Variants in CHD6 observed in about 807,000 individuals in gnomAD.
CHD6 encodes the protein ATP-dependent chromatin remodeler CHD6.
In CHD6, 50 loss-of-function variants were observed where a neutral mutation model predicts 276.9. That is an observed-to-expected ratio of 0.18 (90% CI 0.14 to 0.23). The LOEUF (loss-of-function observed/expected upper bound fraction) is 0.23. Ranked by LOEUF, CHD6 falls within the 10% of genes least tolerant of loss-of-function variation. The probability of loss-of-function intolerance (pLI) is 1.00; values close to 1 mark genes in which losing one functional copy is unlikely to be tolerated. For synonymous variants in CHD6, 1,173 were observed against 1,229.3 expected (o/e 0.95, Z 0.96); for missense variants, 2,564 against 3,365.8 (o/e 0.76, Z 5.89).
intron 1 of CHD6, among the ~76,000 whole-genome samples, chr20:41,601,328 C>T (rs188270711): frequency 2.5e-4 from 38 of 152,292 alleles, no homozygotes; most frequent in Admixed American, 4.6e-4. Flanking sequence ...ACTTGAAACA[C>T]GACTACTACT....
chr20:41,493,425 A>C, intron 10 of CHD6, 113 bp downstream of exon 10: 1 of 1,072,270 alleles, frequency 9.3e-7, no homozygotes, highest in Non-Finnish European at 1.4e-6. Flanking sequence ...GAAGTAACAA[A>C]GGTAAAATAC....
Position 41,484,404 on chromosome 20 carries a change from G to T in CHD6, c.2205C>A (p.Ile735=), listed in dbSNP as rs758937412. ...ACTTCCTCAGCTCCATCATGGTGTTGATGAGATTGGGCATGTTGTGCTGAT... is the reference window on the plus strand; with the variant it reads ...ACTTCCTCAGCTCCATCATGGTGTTTATGAGATTGGGCATGTTGTGCTGAT... ...GANQHNMPNL[I]NTMMELRKCC... is the part of the protein sequence containing the mutation. The change falls in exon 15 of 37, where the codon ATC becomes ATA. Residue 735 remains isoleucine, a synonymous_variant. Transcript: ENST00000373233. The T allele has an allele frequency of 5.0e-6, 8 of 1,613,852 alleles. No individual in the cohort carries two copies. The highest frequency in any genetic ancestry group is 6.8e-6 in the Non-Finnish European group (8 of 1,179,822).
At chr20:41,590,289 A>G (rs1359810654) in intron 1 of CHD6, among the ~76,000 whole-genome samples, 1 of 152,260 alleles carries the variant, frequency 6.6e-6, no homozygotes, top group African/African-American at 2.4e-5. Context: ...AATACCATGC[A>G]GGACACAGGC....
intron 3 of CHD6, among the ~76,000 whole-genome samples, chr20:41,531,224 C>G (rs556657644): frequency 6.6e-6 from 1 of 152,116 alleles, no homozygotes; most frequent in Non-Finnish European, 1.5e-5. Flanking sequence ...GGCTCAGACA[C>G]CTATGGCTTT....
chr20:41,435,603 C>CA lies in CHD6; in HGVS notation c.4068+1670dup, dbSNP rs34895530. 4.7e-3 allele frequency among the ~76,000 whole-genome samples: 518 copies of CA among 110,102 alleles called. 3 individuals are homozygous for CA. Among genetic ancestry groups the CA allele is most frequent in the South Asian group, 0.011 (37 of 3,286 alleles). The allele number at this position is 110,102 out of a possible 152,430, so 72.2% of individuals were successfully genotyped here. Reference sequence around the variant, plus strand: ...TAGGTGAAAGAGTGAGACCCTGAGTCAAAAAAAAAAAAAAAAAAAGTAAAT... The same window carrying CA: ...TAGGTGAAAGAGTGAGACCCTGAGTCAAAAAAAAAAAAAAAAAAAAGTAAAT... On this transcript the variant is annotated intron_variant, in intron 27 of 36. Coordinates refer to ENST00000373233, the MANE Select transcript of CHD6 (RefSeq NM_032221.5).
chr20:41,466,158 C>T (rs1404589318), intron 17 of CHD6, among the ~76,000 whole-genome samples: 7 of 152,056 alleles, frequency 4.6e-5, no homozygotes, highest in African/African-American at 1.2e-4. Flanking sequence ...GCCGAGGTTG[C>T]GTCACTGCAC....
chr20:41,603,358 A>T (rs1413235336), intron 1 of CHD6, among the ~76,000 whole-genome samples: 2 of 152,076 alleles, frequency 1.3e-5, no homozygotes, highest in African/African-American at 4.8e-5. Flanking sequence ...GAAAAGAAAA[A>T]AACCTTTGAA....
chr20:41,484,267 T>C, intron 15 of CHD6, 85 bp downstream of exon 15: 3 of 1,490,254 alleles, frequency 2.0e-6, no homozygotes, highest in Non-Finnish European at 2.8e-6. Flanking sequence ...ATAATGAAAA[T>C]TCAATACATG....
At chr20:41,483,119 T>C (rs2043332079) in intron 16 of CHD6, among the ~76,000 whole-genome samples, 190 bp downstream of exon 16, 1 of 152,022 alleles carries the variant, frequency 6.6e-6, no homozygotes, top group African/African-American at 2.4e-5. Flanking sequence ...AAATTTACTC[T>C]TGACAGTTAA....
intron 2 of CHD6, among the ~76,000 whole-genome samples, chr20:41,548,327 A>G (rs2045082479): frequency 6.6e-6 from 1 of 152,180 alleles, no homozygotes; most frequent in South Asian, 2.1e-4. Flanking sequence ...GTCCAAAACA[A>G]AAACCCATCC....
chr20:41,465,963 G>C (rs1296339580), intron 17 of CHD6, among the ~76,000 whole-genome samples: 1 of 152,114 alleles, frequency 6.6e-6, no homozygotes, highest in Non-Finnish European at 1.5e-5. Context: ...CCAGCACTTT[G>C]GGAGGCTGAG....
chr20:41,446,583 A>G (rs2048075837), intron 24 of CHD6, among the ~76,000 whole-genome samples: 1 of 152,048 alleles, frequency 6.6e-6, no homozygotes. Context: ...GCTGCCTCTG[A>G]AGTTTCTTCT....
In CHD6 at chr20:41,574,975, T is replaced by A. The variant is rs146314064; in HGVS notation, c.-23-23615A>T. On this transcript the variant is annotated intron_variant, in intron 1 of 36. Transcript: ENST00000373233. The stretch of plus-strand genomic sequence containing the variant: ...AGGGAAAACCGATCAGACATTTGAC[T>A]AGGAGTGTAACTTTGTAACTTCACT... Among the ~76,000 whole-genome samples, 78 of 152,336 alleles carry A rather than the reference T, an allele frequency of 5.1e-4. No individual in the cohort carries two copies. The East Asian group carries it at 0.012, about 24-fold the overall frequency.
intron 17 of CHD6, among the ~76,000 whole-genome samples, chr20:41,463,516 C>G (rs1252085654): frequency 2.0e-5 from 3 of 152,122 alleles, no homozygotes; most frequent in African/African-American, 7.2e-5. Context: ...CATGTTATTC[C>G]TGATGTGATA....
chr20:41,466,800 C>G (rs1398994359), intron 17 of CHD6, among the ~76,000 whole-genome samples: 1 of 152,168 alleles, frequency 6.6e-6, no homozygotes, highest in Non-Finnish European at 1.5e-5. Flanking sequence ...AGAACCCTGA[C>G]TCTTGTACAG....
At chr20:41,459,696 T>G (rs1600912137) in intron 17 of CHD6, among the ~76,000 whole-genome samples, 1 of 152,366 alleles carries the variant, frequency 6.6e-6, no homozygotes, top group African/African-American at 2.4e-5. Context: ...CTTGCCATGA[T>G]TCTGAGGCCT....
chr20:41,429,325 C>G (rs2047461480), intron 27 of CHD6, among the ~76,000 whole-genome samples: 1 of 152,210 alleles, frequency 6.6e-6, no homozygotes, highest in African/African-American at 2.4e-5. Context: ...TAGAAGGTTT[C>G]TGTAGGTTCA....
chr20:41,450,411 G>A (rs1352333407), intron 23 of CHD6, among the ~76,000 whole-genome samples: 2 of 151,570 alleles, frequency 1.3e-5, no homozygotes, highest in Non-Finnish European at 2.9e-5. Flanking sequence ...AATGCCCCAA[G>A]TCCCCAAGAC....
At chr20:41,423,101 A>C (rs2047248752) in intron 30 of CHD6, among the ~76,000 whole-genome samples, 1 of 152,240 alleles carries the variant, frequency 6.6e-6, no homozygotes, top group African/African-American at 2.4e-5. Flanking sequence ...TTACAAGTCG[A>C]CATGTGAGGA....
Sources: allele counts gnomAD v4.1 joint callset (sites outside exome capture counted in the v4.1 genomes callset), GRCh38; gene constraint gnomAD v4.1.1; transcripts MANE v1.5; gene names NCBI Gene and HGNC (gene_info 2026-07-23, HGNC 2026-07-21).